Variants in CSNK1G1 observed in about 807,000 individuals in gnomAD.
The protein encoded by CSNK1G1 is casein kinase I isoform gamma-1.
CSNK1G1 carries 22 observed loss-of-function variants against 59.6 expected under a neutral mutation model. The observed-to-expected ratio is 0.37, with a 90% confidence interval of 0.26 to 0.53. The LOEUF is 0.53. CSNK1G1 is among the 20% of genes least tolerant of loss of function. CSNK1G1 has a pLI of 0.89. For missense variants in CSNK1G1, 384 were observed against 519.5 expected (o/e 0.74, Z 2.54); for synonymous variants, 179 against 177.1 (o/e 1.01, Z -0.08).
chr15:64,225,007 T>TTTC, intron 4 of CSNK1G1, among the ~76,000 whole-genome samples: 1 of 88,202 alleles, frequency 1.1e-5, no homozygotes, highest in African/African-American at 8.1e-5. Flanking sequence ...TACACTTTTC[T>TTTC]TTTTTTTTTT....
At position 64,340,989 on chromosome 15, in the gene CSNK1G1, C is replaced by CTT. The variant is rs908101815; in HGVS notation, c.-225+14997_-225+14998dup. Among the ~76,000 whole-genome samples the CTT allele has an allele frequency of 9.5e-4, 10 of 10,512 alleles. 1 individual carries two copies. Among genetic ancestry groups the CTT allele is most frequent in the African/African-American group, 1.3e-3 (9 of 6,822 alleles). The allele number at this position is 10,512 out of a possible 152,430, so 6.9% of individuals were successfully genotyped here. On this transcript the variant is annotated intron_variant, in intron 1 of 11. Coordinates refer to ENST00000303052, the MANE Select transcript of CSNK1G1 (RefSeq NM_022048.5). ...ACCACCACGTCCAGCTAATTTTTAT[C>CTT]TTTTTTTTTTTTTTTTTTTTTTTTT...
At chr15:64,301,381 AAAATCTT>A (rs1249938357) in intron 1 of CSNK1G1, among the ~76,000 whole-genome samples, 3 of 152,118 alleles carry the variant, frequency 2.0e-5, no homozygotes, top group Admixed American at 1.3e-4. Context: ...AAAAAAAAAA[AAAATCTT>A]AAGCGTAACA....
chr15:64,287,955 G>C (rs908570404), intron 2 of CSNK1G1, among the ~76,000 whole-genome samples: 13 of 152,074 alleles, frequency 8.5e-5, no homozygotes, highest in Admixed American at 8.5e-4. Flanking sequence ...CAGTAGACTA[G>C]AGATGTCAAC....
At chr15:64,235,868 C>T (rs752026562) in intron 4 of CSNK1G1, among the ~76,000 whole-genome samples, 18 of 151,966 alleles carry the variant, frequency 1.2e-4, no homozygotes, top group South Asian at 6.2e-4. Context: ...CTACACTAGA[C>T]GGTTAAGGGA....
intron 4 of CSNK1G1, among the ~76,000 whole-genome samples, chr15:64,226,109 C>A (rs1474644659): frequency 6.6e-6 from 1 of 152,210 alleles, no homozygotes; most frequent in African/African-American, 2.4e-5. Context: ...AGAACTTGGA[C>A]AACTCACAGT....
At chr15:64,208,971 C>T (rs894448405) in intron 6 of CSNK1G1, among the ~76,000 whole-genome samples, 23 of 151,640 alleles carry the variant, frequency 1.5e-4, no homozygotes, top group African/African-American at 4.9e-5. Context: ...ACTGCAGCCT[C>T]GCCCTCCTGG....
At chr15:64,199,259 A>AT (rs1232008127) in intron 10 of CSNK1G1, among the ~76,000 whole-genome samples, 1 of 149,602 alleles carries the variant, frequency 6.7e-6, no homozygotes, top group African/African-American at 2.4e-5. Flanking sequence ...TCAAAAAAAA[A>AT]AAAAAAAAAA....
chr15:64,194,148 TGTGGCCAGGAGGA>T (rs1300634877), intron 10 of CSNK1G1: 1 of 152,106 alleles, frequency 6.6e-6, no homozygotes, highest in Non-Finnish European at 1.5e-5. Context: ...GTGGCCATCC[TGTGGCCAGGAGGA>T]GTGTGCAATC....
At chr15:64,183,167 TG>T (rs1220826915) in intron 10 of CSNK1G1, among the ~76,000 whole-genome samples, 1 of 152,196 alleles carries the variant, frequency 6.6e-6, no homozygotes, top group Non-Finnish European at 1.5e-5. Flanking sequence ...CTCTGGGTCA[TG>T]GGGCCTGCTC....
At chr15:64,208,474 T>C (rs896613617) in intron 6 of CSNK1G1, among the ~76,000 whole-genome samples, 1 of 152,228 alleles carries the variant, frequency 6.6e-6, no homozygotes, top group African/African-American at 2.4e-5. Context: ...TGCAACTTCA[T>C]CTCAGAAAAC....
chr15:64,195,679 A>T (rs112132668), intron 10 of CSNK1G1, among the ~76,000 whole-genome samples: 8 of 152,328 alleles, frequency 5.3e-5, no homozygotes, highest in African/African-American at 1.9e-4. Flanking sequence ...TGCCAGGTAG[A>T]AGCAAGCAGG....
chr15:64,186,108 T>C (rs1348413682), intron 10 of CSNK1G1, among the ~76,000 whole-genome samples: 2 of 151,980 alleles, frequency 1.3e-5, no homozygotes, highest in Non-Finnish European at 2.9e-5. Flanking sequence ...AGATATTCCT[T>C]TCTTTTTATT....
chr15:64,341,874 T>C (rs1413183544), intron 1 of CSNK1G1, among the ~76,000 whole-genome samples: 2 of 152,234 alleles, frequency 1.3e-5, no homozygotes, highest in Admixed American at 1.3e-4. Flanking sequence ...GAGGTGACTC[T>C]TCTAATTTAG....
At chr15:64,222,035 A>G (rs560441673) in intron 4 of CSNK1G1, among the ~76,000 whole-genome samples, 1 of 152,284 alleles carries the variant, frequency 6.6e-6, no homozygotes, top group South Asian at 2.1e-4. Context: ...CCAAATGCCC[A>G]TCAATGATAG....
chr15:64,195,903 T>C (rs1040206526), intron 10 of CSNK1G1, among the ~76,000 whole-genome samples: 4 of 152,186 alleles, frequency 2.6e-5, no homozygotes, highest in Admixed American at 6.5e-5. Flanking sequence ...AGTTTAATTA[T>C]AGTTCTCTAG....
intron 10 of CSNK1G1, among the ~76,000 whole-genome samples, chr15:64,201,271 C>CAAAA (rs545719275): frequency 0.015 from 988 of 64,404 alleles, 19 homozygotes; most frequent in African/African-American, 0.044. Flanking sequence ...GACACTGTCT[C>CAAAA]AAAAAAAAAA....
chr15:64,198,960 T>A (rs934313017), intron 10 of CSNK1G1, among the ~76,000 whole-genome samples: 8 of 151,176 alleles, frequency 5.3e-5, no homozygotes, highest in African/African-American at 1.9e-4. Context: ...AACTCTAAAA[T>A]TAAAAAAATA....
intron 4 of CSNK1G1, among the ~76,000 whole-genome samples, chr15:64,239,627 C>T (rs183682275): frequency 4.1e-4 from 63 of 152,218 alleles, no homozygotes; most frequent in African/African-American, 1.5e-3. Context: ...GATCCACTTG[C>T]CTTGGCCTCC....
intron 4 of CSNK1G1, among the ~76,000 whole-genome samples, chr15:64,229,090 C>T (rs1363653906): frequency 6.6e-6 from 1 of 151,138 alleles, no homozygotes; most frequent in Non-Finnish European, 1.5e-5. Flanking sequence ...ACATATAGAC[C>T]TACCTTATTC....
Sources: allele counts gnomAD v4.1 joint callset (sites outside exome capture counted in the v4.1 genomes callset), GRCh38; gene constraint gnomAD v4.1.1; transcripts MANE v1.5; gene names NCBI Gene and HGNC (gene_info 2026-07-23, HGNC 2026-07-21).